The following FUBP3 variants were observed in gnomAD, a reference collection of about 807,000 sequenced individuals.
FUBP3 encodes the protein far upstream element binding protein 3.
Under a neutral mutation model 85.6 loss-of-function variants are expected in FUBP3, and 28 were observed. The observed-to-expected ratio is 0.33, with a 90% CI of 0.24 to 0.45. FUBP3 has a LOEUF of 0.45. FUBP3 is among the 20% of genes least tolerant of loss of function. FUBP3 has a pLI of 1.00. For missense variants in FUBP3, 583 were observed against 755.1 expected, an observed-to-expected ratio of 0.77 and a Z score of 2.67; for synonymous variants, 271 against 271.4, an observed-to-expected ratio of 1.00 and a Z score of 0.01.
intron 10 of FUBP3, among the ~76,000 whole-genome samples, chr9:130,623,074 G>A (rs1194988006): frequency 3.3e-5 from 5 of 151,864 alleles, no homozygotes; most frequent in Non-Finnish European, 5.9e-5. Context: ...TGCATAGTAT[G>A]TCATAAATGC....
At chr9:130,595,805 A>G (rs371894797) in intron 2 of FUBP3, among the ~76,000 whole-genome samples, 59 of 152,348 alleles carry the variant, frequency 3.9e-4, no homozygotes, top group African/African-American at 1.4e-3. Context: ...GGGCTCTGAG[A>G]TAAAGACTTG....
intron 18 of FUBP3, 185 bp downstream of exon 18, chr9:130,636,311 T>C (rs914719662): frequency 1.1e-5 from 8 of 713,462 alleles, no homozygotes; most frequent in Non-Finnish European, 1.5e-5. Context: ...CTCCTCGCTC[T>C]GGAGAAAAAG....
chr9:130,582,250 A>G (rs903952892), intron 1 of FUBP3, among the ~76,000 whole-genome samples: 5 of 152,048 alleles, frequency 3.3e-5, no homozygotes, highest in Admixed American at 3.3e-4. Flanking sequence ...CAGGGGTTTG[A>G]TACCAGCCTG....
chr9:130,610,441 A>G (rs1185278570), intron 3 of FUBP3, among the ~76,000 whole-genome samples: 1 of 152,180 alleles, frequency 6.6e-6, no homozygotes, highest in Non-Finnish European at 1.5e-5. Context: ...GGAGGCCAGA[A>G]GCCAGGGTTC....
At chr9:130,628,079 A>AACAT (rs1830053330) in intron 12 of FUBP3, among the ~76,000 whole-genome samples, 1 of 145,958 alleles carries the variant, frequency 6.9e-6, no homozygotes, top group Admixed American at 6.9e-5. Flanking sequence ...CACCGCACTA[A>AACAT]ACACACGCAC....
At chr9:130,579,827 G>T in intron 1 of FUBP3, 63 bp downstream of exon 1, 1 of 1,053,700 alleles carries the variant, frequency 9.5e-7, no homozygotes, top group South Asian at 4.7e-5. Context: ...GGGCGGGGAA[G>T]AGGGGTTCGG....
At chr9:130,629,764 A>G (rs958939212) in intron 12 of FUBP3, among the ~76,000 whole-genome samples, 1 of 152,194 alleles carries the variant, frequency 6.6e-6, no homozygotes, top group East Asian at 1.9e-4. Context: ...GCTTTGGAGC[A>G]GATTACCTTT....
intron 1 of FUBP3, 44 bp from the exon 2 acceptor site, chr9:130,595,439 G>C (rs1297039841): frequency 2.5e-5 from 23 of 934,834 alleles, no homozygotes; most frequent in Non-Finnish European, 3.8e-5. Flanking sequence ...CTCAGATAGA[G>C]CCATGGTTTG....
rs574742552 is a variant in FUBP3, at chr9:130,579,989, G to T, written c.84+225G>T. ...GCGGGTCTCCCAGGTGCCTGAAGTC[G>T]CTGGGAAAGGGTTTGCTTAGAGCGT... On this transcript the variant is annotated intron_variant, in intron 1 of 18. Transcript: ENST00000319725. Among the ~76,000 whole-genome samples, 3 of 152,336 alleles carry T rather than the reference G, an allele frequency of 2.0e-5. No homozygotes were observed. In the East Asian group the frequency reaches 5.8e-4, roughly 29 times the overall value.
At chr9:130,628,156 A>G (rs1830070115) in intron 12 of FUBP3, among the ~76,000 whole-genome samples, 1 of 151,998 alleles carries the variant, frequency 6.6e-6, no homozygotes, top group South Asian at 2.1e-4. Flanking sequence ...CATGTGAGAC[A>G]TCTCTTTTCC....
In FUBP3 at chr9:130,616,594, AC is replaced by A; in HGVS notation, c.567+78del. 7.2e-7 allele frequency: 1 copy of A among 1,388,550 alleles called. No homozygotes were observed. The highest frequency in any genetic ancestry group is 2.3e-5 in the East Asian group (1 of 43,672). The allele number at this position is 1,388,550 out of a possible 1,614,324, so 86.0% of individuals were successfully genotyped here. ...GCTTCCTGGCCCAGGAGATCTGCTT[AC>A]GGCTGGCATTCCCTGGCTGGGCTGG... On this transcript the variant is annotated intron_variant, in intron 7 of 18. Coordinates refer to ENST00000319725, the MANE Select transcript of FUBP3 (RefSeq NM_003934.2). The surrounding 1 kb of genome is among the most constrained non-coding windows in gnomAD (Gnocchi z 4.7).
At chr9:130,619,001 C>A (rs1021497574) in intron 8 of FUBP3, among the ~76,000 whole-genome samples, 1 of 152,160 alleles carries the variant, frequency 6.6e-6, no homozygotes, top group Non-Finnish European at 1.5e-5. Context: ...TCTCTCAGTG[C>A]GAACAGTTGG....
chr9:130,589,961 C>T (rs1267992523), intron 1 of FUBP3, among the ~76,000 whole-genome samples: 1 of 148,780 alleles, frequency 6.7e-6, no homozygotes, highest in Non-Finnish European at 1.5e-5. Context: ...AACGATCCTC[C>T]TACCCCAGCC....
intron 2 of FUBP3, among the ~76,000 whole-genome samples, chr9:130,601,801 A>ATTATTTTTT (rs374173253): frequency 1.7e-5 from 2 of 117,376 alleles, no homozygotes; most frequent in Non-Finnish European, 3.3e-5. Context: ...ATAATTCCTA[A>ATTATTTTTT]TTTTTTTTTT....
intron 1 of FUBP3, among the ~76,000 whole-genome samples, chr9:130,582,979 A>G (rs951619821): frequency 2.0e-5 from 3 of 152,230 alleles, no homozygotes; most frequent in Non-Finnish European, 4.4e-5. Context: ...GTTTTGATCT[A>G]GATAGACCCA....
rs144038210 is a variant in FUBP3 at position 130,630,459 on chromosome 9, G to A, written c.1118-169G>A. 2.1e-3 allele frequency among the ~76,000 whole-genome samples: 313 copies of A among 152,346 alleles called. 2 individuals are homozygous for A. Among genetic ancestry groups the A allele is most frequent in the African/African-American group, 6.6e-3 (276 of 41,578 alleles). On this transcript the variant is annotated intron_variant, in intron 12 of 18. Transcript: ENST00000319725. The stretch of plus-strand genomic sequence containing the variant: ...AGTTTTGCAAGTGAGAGAGCCCTGG[G>A]TTTAGTTGGAACCACTTTGGAGTAA...
chr9:130,620,287 T>G (rs1829693379), intron 8 of FUBP3, 67 bp from the exon 9 acceptor site: 3 of 924,676 alleles, frequency 3.2e-6, no homozygotes, highest in East Asian at 2.6e-5. Flanking sequence ...ATCTTGAAAT[T>G]TCACCTGGTG....
chr9:130,632,625 T>G (rs1830260784), intron 16 of FUBP3, among the ~76,000 whole-genome samples: 1 of 152,206 alleles, frequency 6.6e-6, no homozygotes, highest in Non-Finnish European at 1.5e-5. Flanking sequence ...CCTCCTCTTC[T>G]CCACCCCTTG....
intron 12 of FUBP3, among the ~76,000 whole-genome samples, chr9:130,627,498 C>T (rs868185200): frequency 6.6e-6 from 1 of 152,200 alleles, no homozygotes; most frequent in Non-Finnish European, 1.5e-5. Flanking sequence ...GGGAGCCCCC[C>T]GACACTCACC....
Sources: gnomAD v4.1 joint callset for allele counts (sites outside exome capture counted in the v4.1 genomes callset) on GRCh38, gnomAD v4.1.1 for gene constraint, Gnocchi (gnomAD v3.1) non-coding constraint, MANE v1.5 for transcripts, NCBI Gene and HGNC (gene_info 2026-07-23, HGNC 2026-07-21) for gene names.